The following RMST variants were observed in gnomAD, a reference collection of about 807,000 sequenced individuals.
RMST encodes rhabdomyosarcoma 2 associated transcript.
intron 5 of RMST, among the ~76,000 whole-genome samples, chr12:97,477,868 T>C (rs1178896951): frequency 6.6e-6 from 1 of 152,216 alleles, no homozygotes; most frequent in Non-Finnish European, 1.5e-5. Flanking sequence ...GCCAGTTCTT[T>C]GAGGTCATTT....
At chr12:97,493,434 G>T (rs566461620) in intron 7 of RMST, 1 of 152,418 alleles carries the variant, frequency 6.6e-6, no homozygotes, top group Non-Finnish European at 1.5e-5. Flanking sequence ...ATGAGAAAAT[G>T]TAAGTAGAAT....
intron 13 of RMST, among the ~76,000 whole-genome samples, chr12:97,562,328 T>C (rs999960711): frequency 6.6e-6 from 1 of 152,206 alleles, no homozygotes; most frequent in Non-Finnish European, 1.5e-5. Context: ...GTTTGGTGGC[T>C]GGTGGAGAAA....
chr12:97,464,807 G>A (rs866021534), intron 4 of RMST: 1 of 152,144 alleles, frequency 6.6e-6, no homozygotes, highest in Non-Finnish European at 1.5e-5. Flanking sequence ...CAAAATCGTG[G>A]CTGAACGTCT....
Position 97,472,551 on chromosome 12 carries a change from T to C in RMST, n.644+6824T>C, listed in dbSNP as rs531838411. Among the ~76,000 whole-genome samples the C allele has an allele frequency of 1.8e-4, 27 of 152,242 alleles. 1 individual carries two copies. The highest frequency in any genetic ancestry group is 5.3e-4 in the African/African-American group (22 of 41,556). Reference sequence around the variant, plus strand: ...GTCCAGTCCGTGACAATTAACTCAGTTACTTACTGATTGGATCTCTAATAT... The same window carrying C: ...GTCCAGTCCGTGACAATTAACTCAGCTACTTACTGATTGGATCTCTAATAT... On this transcript the variant is annotated intron_variant and non_coding_transcript_variant, in intron 5 of 13. Coordinates refer to ENST00000640149, the Ensembl canonical transcript of RMST.
intron 10 of RMST, among the ~76,000 whole-genome samples, chr12:97,519,781 A>G (rs1033515714): frequency 6.6e-6 from 1 of 152,240 alleles, no homozygotes; most frequent in African/African-American, 2.4e-5. Context: ...CTATAGTTAT[A>G]GAACCAGCTT....
At chr12:97,477,799 A>G (rs1162122685) in intron 5 of RMST, among the ~76,000 whole-genome samples, 3 of 152,232 alleles carry the variant, frequency 2.0e-5, no homozygotes, top group Non-Finnish European at 4.4e-5. Flanking sequence ...GATCACAAGT[A>G]TGTGTTGCTT....
At chr12:97,469,158 GTGTGTGTGTGTGTGTGTGTGTGTA>G (rs1411570123) in intron 5 of RMST, among the ~76,000 whole-genome samples, 1 of 147,320 alleles carries the variant, frequency 6.8e-6, no homozygotes, top group African/African-American at 2.6e-5. Context: ...GTGTGTGTGT[GTGTGTGTGTGTGTGTGTGTGTGTA>G]TGTGTGTATA....
intron 13 of RMST, among the ~76,000 whole-genome samples, chr12:97,561,323 A>G (rs1161567718): frequency 6.6e-6 from 1 of 152,132 alleles, no homozygotes; most frequent in African/African-American, 2.4e-5. Flanking sequence ...CTGTGAGTGC[A>G]TGTCCAGTAG....
At chr12:97,561,104 T>A (rs890797232) in intron 13 of RMST, 2 of 152,256 alleles carry the variant, frequency 1.3e-5, no homozygotes, top group African/African-American at 4.8e-5. Flanking sequence ...TTTTCTCTTT[T>A]AGGAGCAATG....
At chr12:97,531,583 G>A (rs558054095) in intron 11 of RMST, among the ~76,000 whole-genome samples, 1 of 152,022 alleles carries the variant, frequency 6.6e-6, no homozygotes, top group Non-Finnish European at 1.5e-5. Flanking sequence ...GTGCCTGTGT[G>A]TATGTGGCTG....
chr12:97,524,075 C>CAAAAA (rs537840796), intron 10 of RMST, among the ~76,000 whole-genome samples: 17 of 56,128 alleles, frequency 3.0e-4, no homozygotes, highest in African/African-American at 6.9e-4. Context: ...GACTCTGTCT[C>CAAAAA]AAAAAAAAAA....
At chr12:97,512,678 AG>A (rs1232459823) in intron 10 of RMST, among the ~76,000 whole-genome samples, 1 of 152,202 alleles carries the variant, frequency 6.6e-6, no homozygotes, top group Non-Finnish European at 1.5e-5. Context: ...CTAGACATAA[AG>A]GGTCTCCACA....
chr12:97,489,698 G>A (rs939271528), intron 5 of RMST, among the ~76,000 whole-genome samples: 1 of 152,182 alleles, frequency 6.6e-6, no homozygotes, highest in Non-Finnish European at 1.5e-5. Context: ...ACACTACAAT[G>A]ACAAATTTTA....
At chr12:97,559,502 C>T (rs770668450) in intron 11 of RMST, among the ~76,000 whole-genome samples, 2 of 152,116 alleles carry the variant, frequency 1.3e-5, no homozygotes, top group Non-Finnish European at 2.9e-5. Context: ...CCCCACCCCT[C>T]CCCTTGGCAA....
At position 97,509,046 on chromosome 12, in the gene RMST, T is replaced by C. The variant is rs138184981; in HGVS notation, n.1340+12990T>C. Among the ~76,000 whole-genome samples, 581 of 152,304 alleles carry C rather than the reference T, an allele frequency of 3.8e-3. 2 individuals carry two copies. Among genetic ancestry groups the C allele is most frequent in the African/African-American group, 0.012 (509 of 41,574 alleles). On this transcript the variant is annotated intron_variant and non_coding_transcript_variant, in intron 10 of 13. Transcript: ENST00000640149. ...GACTCACTGGCTAATTTTCTTGAGG[T>C]TTTATGGTAAAATGAATTCTCGGAA... is the stretch of plus-strand genomic sequence containing the variant.
intron 10 of RMST, among the ~76,000 whole-genome samples, chr12:97,519,260 G>A (rs1488221584): frequency 6.6e-6 from 1 of 152,158 alleles, no homozygotes; most frequent in Non-Finnish European, 1.5e-5. Flanking sequence ...AAAGTGTGTT[G>A]GTTGGTTGAC....
At chr12:97,480,230 C>T (rs1875100368) in intron 5 of RMST, among the ~76,000 whole-genome samples, 3 of 151,900 alleles carry the variant, frequency 2.0e-5, no homozygotes, top group Admixed American at 6.6e-5. Context: ...GCTGGGACTA[C>T]AGGCGCCCAC....
chr12:97,480,159 C>T, intron 5 of RMST, among the ~76,000 whole-genome samples: 1 of 149,264 alleles, frequency 6.7e-6, no homozygotes, highest in East Asian at 1.9e-4. Context: ...GGCCTGATCT[C>T]GGCTCACTGC....
chr12:97,463,858 G>A (rs919698909), intron 4 of RMST, among the ~76,000 whole-genome samples: 2 of 151,942 alleles, frequency 1.3e-5, no homozygotes. Context: ...AAGCCTATAT[G>A]TTTTTGGAAA....
Sources: allele counts gnomAD v4.1 joint callset (sites outside exome capture counted in the v4.1 genomes callset), GRCh38; gene constraint gnomAD v4.1.1; transcripts MANE v1.5; gene names NCBI Gene and HGNC (gene_info 2026-07-23, HGNC 2026-07-21).